The following FER variants were observed in gnomAD, a reference collection of about 807,000 sequenced individuals.
FER encodes the protein tyrosine-protein kinase Fer.
Under a neutral mutation model 111.0 loss-of-function variants are expected in FER, and 63 were observed. That is an observed-to-expected ratio of 0.57 (90% CI 0.46 to 0.70). The LOEUF is 0.70. FER is among the 30% of genes least tolerant of loss of function. The probability of loss-of-function intolerance (pLI) is 0.00; values close to 1 mark genes in which losing one functional copy is unlikely to be tolerated. For synonymous variants in FER, 327 were observed against 313.9 expected (o/e 1.04, Z -0.44); for missense variants, 914 against 954.0 (o/e 0.96, Z 0.55).
intron 13 of FER, among the ~76,000 whole-genome samples, chr5:109,009,617 C>T (rs775124699): frequency 6.6e-6 from 1 of 152,204 alleles, no homozygotes; most frequent in Non-Finnish European, 1.5e-5. Flanking sequence ...CGTTTTGCTT[C>T]TTTCAAGACA....
chr5:108,844,108 A>ACATG (rs1554076459), intron 5 of FER, among the ~76,000 whole-genome samples: 3 of 92,534 alleles, frequency 3.2e-5, no homozygotes, highest in South Asian at 3.0e-4. Context: ...GTGTGTGAAC[A>ACATG]TGTGTGTGAA....
chr5:108,800,256 T>C (rs945472330), intron 3 of FER, among the ~76,000 whole-genome samples: 7 of 152,256 alleles, frequency 4.6e-5, no homozygotes, highest in African/African-American at 1.4e-4. Flanking sequence ...CATTGTCACA[T>C]AGTTTCTGTT....
At chr5:109,080,609 A>T (rs750838878) in intron 16 of FER, among the ~76,000 whole-genome samples, 5 of 152,108 alleles carry the variant, frequency 3.3e-5, no homozygotes, top group African/African-American at 4.8e-5. Context: ...ATTTCCATTT[A>T]TCTGAGTTCA....
At chr5:109,167,069 T>C (rs1756629482) in intron 17 of FER, among the ~76,000 whole-genome samples, 2 of 152,168 alleles carry the variant, frequency 1.3e-5, no homozygotes, top group Non-Finnish European at 2.9e-5. Context: ...TATTGCAATT[T>C]ATGGGTTTGC....
intron 3 of FER, among the ~76,000 whole-genome samples, chr5:108,802,393 A>C (rs972321025): frequency 6.6e-6 from 1 of 152,192 alleles, no homozygotes; most frequent in Admixed American, 6.5e-5. Flanking sequence ...GGGGGTACAC[A>C]TGCAGGTTTG....
chr5:108,936,288 T>C (rs1561644690), intron 10 of FER, among the ~76,000 whole-genome samples: 1 of 152,064 alleles, frequency 6.6e-6, no homozygotes, highest in Non-Finnish European at 1.5e-5. Context: ...GGCTATTATT[T>C]TACCTTTAAT....
At chr5:108,844,162 A>G (rs5019041) in intron 5 of FER, among the ~76,000 whole-genome samples, 6,062 of 96,596 alleles carry the variant, frequency 0.063, 352 homozygotes, top group African/African-American at 0.085. Context: ...GAACATATAT[A>G]TGTGTGAACA....
chr5:108,937,170 T>C (rs1755581800), intron 10 of FER, among the ~76,000 whole-genome samples: 1 of 152,018 alleles, frequency 6.6e-6, no homozygotes, highest in Non-Finnish European at 1.5e-5. Flanking sequence ...TATTTTAATA[T>C]TTTAATAATT....
chr5:108,829,185 A>G (rs1008572408), intron 3 of FER, among the ~76,000 whole-genome samples: 1 of 152,158 alleles, frequency 6.6e-6, no homozygotes. Flanking sequence ...ATATCATCCA[A>G]AGATCTTTTT....
At chr5:109,050,191 A>C (rs1379897521) in intron 16 of FER, among the ~76,000 whole-genome samples, 1 of 146,186 alleles carries the variant, frequency 6.8e-6, no homozygotes, top group Non-Finnish European at 1.5e-5. Flanking sequence ...CATTACTGCT[A>C]TATCCTAAAA....
intron 3 of FER, chr5:108,819,756 T>G (rs1758653329): frequency 1.0e-6 from 1 of 981,806 alleles, no homozygotes; most frequent in South Asian, 4.7e-5. Context: ...AAAAAGCATT[T>G]TTTTAAAATA....
intron 17 of FER, among the ~76,000 whole-genome samples, chr5:109,124,569 C>T (rs1751420865): frequency 6.7e-6 from 1 of 149,224 alleles, no homozygotes; most frequent in Non-Finnish European, 1.5e-5. Flanking sequence ...TCTTAGAAGA[C>T]AGACATTTTT....
intron 8 of FER, among the ~76,000 whole-genome samples, chr5:108,873,567 A>G (rs1020503463): frequency 1.3e-5 from 2 of 152,182 alleles, no homozygotes; most frequent in East Asian, 3.8e-4. Flanking sequence ...GGTGAGAGCA[A>G]TGGAGGCATG....
chr5:109,117,289 G>C (rs1750364448), intron 17 of FER, among the ~76,000 whole-genome samples: 1 of 152,036 alleles, frequency 6.6e-6, no homozygotes, highest in Non-Finnish European at 1.5e-5. Flanking sequence ...GATTCTGTGG[G>C]TCAGAAGAAA....
intron 3 of FER, among the ~76,000 whole-genome samples, chr5:108,826,083 T>A (rs1052960055): frequency 2.0e-5 from 3 of 152,218 alleles, no homozygotes; most frequent in Non-Finnish European, 2.9e-5. Flanking sequence ...TAGCCTTTAT[T>A]ATGTTGAGAT....
chr5:108,904,812 A>G (rs1750525609), intron 10 of FER, among the ~76,000 whole-genome samples: 1 of 152,168 alleles, frequency 6.6e-6, no homozygotes. Context: ...ATTAATTATA[A>G]CATTAATATT....
At chr5:109,167,013 G>C (rs184205683) in intron 17 of FER, among the ~76,000 whole-genome samples, 1 of 152,104 alleles carries the variant, frequency 6.6e-6, no homozygotes, top group Non-Finnish European at 1.5e-5. Flanking sequence ...TATCACACCT[G>C]TGAGAGCCTA....
In FER at chr5:109,132,901, C is replaced by G. The variant is rs201114484; in HGVS notation, c.2048+32382C>G. On this transcript the variant is annotated intron_variant, in intron 17 of 19. Transcript: ENST00000281092. ...ATAAAGAACAAATCAGGAGCAGAGACTGAATGTACAGCAGTTGAGAGAAGA... is the reference window on the plus strand; with the variant it reads ...ATAAAGAACAAATCAGGAGCAGAGAGTGAATGTACAGCAGTTGAGAGAAGA... Among the ~76,000 whole-genome samples, 15 of 152,244 alleles carry G rather than the reference C, an allele frequency of 9.9e-5. No individual in the cohort carries two copies. The East Asian group carries it at 2.9e-3, about 29-fold the overall frequency.
chr5:109,080,715 A>T (rs1204839703), intron 16 of FER, among the ~76,000 whole-genome samples: 1 of 152,136 alleles, frequency 6.6e-6, no homozygotes, highest in Non-Finnish European at 1.5e-5. Flanking sequence ...AGGAGCAAGG[A>T]AAAAGATTGT....
Sources: gnomAD v4.1 joint callset for allele counts (sites outside exome capture counted in the v4.1 genomes callset) on GRCh38, gnomAD v4.1.1 for gene constraint, MANE v1.5 for transcripts, NCBI Gene and HGNC (gene_info 2026-07-23, HGNC 2026-07-21) for gene names.